DAPK2: variants seen among roughly 807,000 people sequenced by gnomAD.
DAPK2 encodes death associated protein kinase 2, also known as death-associated protein kinase 2.
In DAPK2, 35 loss-of-function variants were observed where a neutral mutation model predicts 44.1. The ratio of observed to expected loss-of-function variants is 0.79; its 90% CI spans 0.61 to 1.05. The LOEUF is 1.05. DAPK2 is among the 50% of genes least tolerant of loss of function. The probability of loss-of-function intolerance (pLI) is 0.00; values close to 1 mark genes in which losing one functional copy is unlikely to be tolerated. For synonymous variants in DAPK2, 174 were observed against 182.6 expected (o/e 0.95, Z 0.38); for missense variants, 453 against 483.2 (o/e 0.94, Z 0.59).
chr15:63,962,689 G>A (rs1219467766), intron 3 of DAPK2, among the ~76,000 whole-genome samples: 2 of 152,180 alleles, frequency 1.3e-5, no homozygotes, highest in Non-Finnish European at 2.9e-5. Flanking sequence ...GGTAGATGTT[G>A]CTGCCTGATC....
upstream of DAPK2, among the ~76,000 whole-genome samples, chr15:64,042,044 A>C (rs12443082): frequency 0.05 from 7,538 of 152,218 alleles, 296 homozygotes; most frequent in Admixed American, 0.12. This position sits in a 1 kb window ranked among gnomAD's most constrained non-coding sequence, Gnocchi z 4.7. Context: ...GACTAGCGTG[A>C]GTGTATATTA....
chr15:64,028,417 G>A (rs1026364705), intron 1 of DAPK2, among the ~76,000 whole-genome samples: 12 of 152,088 alleles, frequency 7.9e-5, no homozygotes, highest in African/African-American at 2.9e-4. Context: ...GAAAGTCAAA[G>A]AAAGACTGTT....
chr15:63,993,941 G>A (rs1299865127), intron 1 of DAPK2, among the ~76,000 whole-genome samples: 1 of 152,036 alleles, frequency 6.6e-6, no homozygotes, highest in Non-Finnish European at 1.5e-5. Flanking sequence ...TACCGCACAG[G>A]GCCCAGCCAT....
At chr15:63,961,305 G>A (rs932951812) in intron 3 of DAPK2, among the ~76,000 whole-genome samples, 1 of 152,160 alleles carries the variant, frequency 6.6e-6, no homozygotes, top group Non-Finnish European at 1.5e-5. Context: ...CAATTTGCCA[G>A]TCTGTGTCTT....
In DAPK2 at chr15:64,046,306, G is replaced by A; in HGVS notation, c.-15C>T. The A allele has an allele frequency of 1.0e-6, 1 of 970,760 alleles. No individual in the cohort carries two copies. 60.1% of individuals were successfully genotyped at this position (970,760 alleles called of 1,614,324 possible). ...AGACGGGTGCTACTCACGGCGGGAG[G>A]CTGAGCTGCCGCGGTCGCGGCCGCG... On this transcript the variant is annotated 5_prime_UTR_variant, in exon 1 of 12. Transcript: ENST00000457488. The surrounding 1 kb of genome is among the most constrained non-coding windows in gnomAD (Gnocchi z 5.3).
chr15:63,911,419 A>G lies in DAPK2; in HGVS notation c.1032+489T>C, dbSNP rs141264063. 6.2e-3 allele frequency: 1,035 copies of G among 167,726 alleles called. 12 individuals are homozygous for G. The highest frequency in any genetic ancestry group is 0.023 in the African/African-American group (977 of 41,778). 10.4% of individuals were successfully genotyped at this position (167,726 alleles called of 1,614,324 possible). A position where few individuals can be genotyped will look rare whatever the true frequency, so the allele number is the denominator to read the frequency against. ...GACTGCAGAGGGCACCCTCTTCACC[A>G]GTATATTCTGTTATAAGCTACTCCC... On this transcript the variant is annotated intron_variant, in intron 10 of 10. Transcript: ENST00000261891.
intron 2 of DAPK2, 151 bp downstream of exon 3, chr15:63,983,382 C>A: frequency 8.9e-6 from 6 of 673,402 alleles, no homozygotes; most frequent in Non-Finnish European, 1.5e-5. Flanking sequence ...GTAACTGAGA[C>A]AGAGGGGATC....
Position 63,939,413 on chromosome 15 carries a change from A to G in DAPK2, c.454-52T>C. The G allele has an allele frequency of 6.4e-7, 1 of 1,551,804 alleles. No homozygotes were observed. Among genetic ancestry groups the G allele is most frequent in the Non-Finnish European group, 8.7e-7 (1 of 1,155,462 alleles). ...AAAAGGAAGGAAGAAAAGAAAAAAA[A>G]AGACGGTAATTAAAGGCTGGTTGGT... is the stretch of plus-strand genomic sequence containing the variant. On this transcript the variant is annotated intron_variant, in intron 3 of 10. Transcript: ENST00000261891. This position sits in a 1 kb window ranked among gnomAD's most constrained non-coding sequence, Gnocchi z 4.3.
chr15:64,031,163 A>C (rs1254565532), intron 1 of DAPK2, among the ~76,000 whole-genome samples: 2 of 152,078 alleles, frequency 1.3e-5, no homozygotes, highest in Admixed American at 6.5e-5. Flanking sequence ...GGAAATGGGA[A>C]TGTGATCCAA....
upstream of DAPK2, among the ~76,000 whole-genome samples, chr15:64,044,402 A>G (rs1211711163): frequency 6.6e-6 from 1 of 152,230 alleles, no homozygotes; most frequent in Non-Finnish European, 1.5e-5. Context: ...AGGGGAAGCC[A>G]GAGCAGTTCC....
At chr15:64,036,629 A>G (rs962839747) in intron 1 of DAPK2, among the ~76,000 whole-genome samples, 4 of 151,934 alleles carry the variant, frequency 2.6e-5, no homozygotes, top group Admixed American at 2.0e-4. Flanking sequence ...CCTTTGCTCA[A>G]CATTACATGT....
chr15:63,950,871 G>A (rs2077567987), intron 3 of DAPK2, among the ~76,000 whole-genome samples: 1 of 152,184 alleles, frequency 6.6e-6, no homozygotes, highest in Non-Finnish European at 1.5e-5. Flanking sequence ...AACACATCAT[G>A]TTCTAGAAAG....
chr15:64,045,775 G>C (rs993430151), intron 1 of DAPK2, among the ~76,000 whole-genome samples: 5 of 152,212 alleles, frequency 3.3e-5, no homozygotes, highest in African/African-American at 1.2e-4. Context: ...CAGCACACCT[G>C]CTGGCCGCCC....
intron 6 of DAPK2, among the ~76,000 whole-genome samples, chr15:63,926,773 T>C (rs2079289120): frequency 6.6e-6 from 1 of 152,218 alleles, no homozygotes; most frequent in South Asian, 2.1e-4. Flanking sequence ...AAACTCATTG[T>C]GTCCAAACCC....
chr15:63,955,224 T>C (rs1395887306), intron 3 of DAPK2, among the ~76,000 whole-genome samples: 1 of 152,212 alleles, frequency 6.6e-6, no homozygotes, highest in Non-Finnish European at 1.5e-5. Context: ...CCTTGTTGTG[T>C]TACAGATTTT....
intron 3 of DAPK2, among the ~76,000 whole-genome samples, chr15:63,950,557 T>C (rs2077559557): frequency 6.6e-6 from 1 of 152,114 alleles, no homozygotes; most frequent in Non-Finnish European, 1.5e-5. Context: ...AAAACAACTA[T>C]TAGAAAGAAA....
In DAPK2 at chr15:63,980,164, C is replaced by T. The variant is rs1172355404; in HGVS notation, c.314+3369G>A. On this transcript the variant is annotated intron_variant, in intron 2 of 10. Transcript: ENST00000261891. The surrounding 1 kb of genome is among the most constrained non-coding windows in gnomAD (Gnocchi z 4.3). Reference sequence around the variant, plus strand: ...AGGCCCAAGCAAGTCATGGGAGCACCAGCGTGACAACTGATGTTACAGATG... The same window carrying T: ...AGGCCCAAGCAAGTCATGGGAGCACTAGCGTGACAACTGATGTTACAGATG... 1.3e-5 allele frequency among the ~76,000 whole-genome samples: 2 copies of T among 152,114 alleles called. No homozygotes were observed. Among genetic ancestry groups the T allele is most frequent in the Admixed American group, 6.5e-5 (1 of 15,268 alleles).
At chr15:63,985,201 AG>A (rs11297028) in intron 1 of DAPK2, among the ~76,000 whole-genome samples, 56,254 of 152,082 alleles carry the variant, frequency 0.37, 11,141 homozygotes, top group East Asian at 0.86. Flanking sequence ...TGGGCAGAGA[AG>A]GCTTTGTGGA....
At chr15:63,996,676 A>T (rs1271339895) in intron 1 of DAPK2, among the ~76,000 whole-genome samples, 1 of 152,168 alleles carries the variant, frequency 6.6e-6, no homozygotes, top group Non-Finnish European at 1.5e-5. Flanking sequence ...GGACACGAGC[A>T]TGGAGAAATA....
Sources: gnomAD v4.1 joint callset for allele counts (sites outside exome capture counted in the v4.1 genomes callset) on GRCh38, gnomAD v4.1.1 for gene constraint, Gnocchi (gnomAD v3.1) non-coding constraint, MANE v1.5 for transcripts, NCBI Gene and HGNC (gene_info 2026-07-23, HGNC 2026-07-21) for gene names.